The following SNX30 variants were observed in gnomAD, a reference collection of about 807,000 sequenced individuals.
SNX30 encodes the protein sorting nexin family member 30.
A neutral mutation model predicts 46.4 loss-of-function variants in SNX30; 24 were observed. That is an observed-to-expected ratio of 0.52 (90% CI 0.37 to 0.73). The LOEUF is 0.73. SNX30 is among the 30% of genes least tolerant of loss of function. SNX30 has a pLI of 0.00. For missense variants in SNX30, 533 were observed against 555.7 expected (o/e 0.96, Z 0.41); for synonymous variants, 189 against 211.5 (o/e 0.89, Z 0.92).
chr9:112,846,066 T>TA (rs1016634590), intron 6 of SNX30, among the ~76,000 whole-genome samples: 2 of 151,714 alleles, frequency 1.3e-5, no homozygotes, highest in African/African-American at 4.8e-5. Context: ...ATAATAGGAA[T>TA]AAAAAAATTA....
At chr9:112,757,756 T>C (rs1446348613) in intron 1 of SNX30, among the ~76,000 whole-genome samples, 1 of 152,224 alleles carries the variant, frequency 6.6e-6, no homozygotes, top group Non-Finnish European at 1.5e-5. Flanking sequence ...CTACCTCCTT[T>C]AGATTCTGTG....
chr9:112,873,397 G>A lies in SNX30; in HGVS notation c.*4554G>A, dbSNP rs558276200. On this transcript the variant is annotated 3_prime_UTR_variant, in exon 9 of 9. Coordinates refer to ENST00000374232, the MANE Select transcript of SNX30 (RefSeq NM_001012994.2). ...AGAATTTGTCCGTACCTACTAATAT[G>A]CCTTATTCTTCTTCACCTAGTGTTT... The A allele has an allele frequency of 1.3e-5, 2 of 152,256 alleles. No homozygotes were observed. Among genetic ancestry groups the A allele is most frequent in the Admixed American group, 1.3e-4 (2 of 15,288 alleles). The allele number at this position is 152,256 out of a possible 1,614,324, so 9.4% of individuals were successfully genotyped here. A position where few individuals can be genotyped will look rare whatever the true frequency, so the allele number is the denominator to read the frequency against.
intron 1 of SNX30, among the ~76,000 whole-genome samples, chr9:112,770,553 C>T (rs947159323): frequency 3.9e-5 from 6 of 152,136 alleles, no homozygotes; most frequent in African/African-American, 1.4e-4. Flanking sequence ...GCTCCAAGTA[C>T]ATGGGTAATC....
intron 6 of SNX30, among the ~76,000 whole-genome samples, chr9:112,842,557 A>G (rs1840876646): frequency 6.6e-6 from 1 of 152,214 alleles, no homozygotes; most frequent in South Asian, 2.1e-4. Context: ...TCATTTGCTC[A>G]TTGTTGACAC....
At chr9:112,830,959 G>A (rs10739373) in intron 4 of SNX30, 76 bp downstream of exon 4, 1,339,590 of 1,455,006 alleles carry the variant, frequency 0.92, 617,131 homozygotes, top group East Asian at 1. Context: ...GTTTTGAGCA[G>A]GACTCGGTCT....
intron 7 of SNX30, among the ~76,000 whole-genome samples, chr9:112,860,270 C>T (rs759231449): frequency 3.9e-5 from 6 of 152,204 alleles, no homozygotes; most frequent in Non-Finnish European, 7.3e-5. Flanking sequence ...TTTGGAGATA[C>T]GTTTAAGTCC....
chr9:112,784,391 A>G (rs1343634328), intron 1 of SNX30, among the ~76,000 whole-genome samples: 10 of 152,170 alleles, frequency 6.6e-5, no homozygotes, highest in Admixed American at 6.5e-4. Flanking sequence ...GGTGCACCTC[A>G]GATTGTTAAG....
intron 1 of SNX30, among the ~76,000 whole-genome samples, chr9:112,753,465 C>G (rs1282223397): frequency 2.0e-5 from 3 of 152,196 alleles, no homozygotes; most frequent in Admixed American, 1.3e-4. Flanking sequence ...CTCACTGCAA[C>G]CTCCACCTCC....
chr9:112,853,749 A>G (rs1258635530), intron 7 of SNX30, among the ~76,000 whole-genome samples: 1 of 152,236 alleles, frequency 6.6e-6, no homozygotes, highest in African/African-American at 2.4e-5. Context: ...ACAAACTTTC[A>G]GTTACAAGGT....
intron 1 of SNX30, among the ~76,000 whole-genome samples, chr9:112,767,112 A>G (rs1185877661): frequency 8.6e-6 from 1 of 116,584 alleles, no homozygotes; most frequent in Non-Finnish European, 1.7e-5. Context: ...CTTTGCCAAC[A>G]CTAATTATTT....
chr9:112,810,350 C>G (rs1840300898), intron 2 of SNX30, among the ~76,000 whole-genome samples: 1 of 152,160 alleles, frequency 6.6e-6, no homozygotes, highest in Non-Finnish European at 1.5e-5. Context: ...AGTGTGCTCA[C>G]ACACCCAGGT....
At chr9:112,806,913 T>G (rs967657652) in intron 2 of SNX30, among the ~76,000 whole-genome samples, 2 of 152,306 alleles carry the variant, frequency 1.3e-5, no homozygotes, top group African/African-American at 4.8e-5. Context: ...TTGAAGACCT[T>G]TCCATGTTCA....
intron 1 of SNX30, among the ~76,000 whole-genome samples, chr9:112,754,396 C>T (rs752613405): frequency 1.1e-4 from 16 of 147,294 alleles, no homozygotes; most frequent in Non-Finnish European, 2.2e-4. Context: ...GCCTGCTAAA[C>T]TCACTGGGCC....
chr9:112,828,552 T>A (rs1840612369), intron 3 of SNX30, among the ~76,000 whole-genome samples: 1 of 152,196 alleles, frequency 6.6e-6, no homozygotes, highest in Admixed American at 6.5e-5. Flanking sequence ...TACATGGTTT[T>A]AAAACTGAAA....
At chr9:112,883,342 AC>A (rs1935935880), downstream of SNX30, among the ~76,000 whole-genome samples, 1 of 152,156 alleles carries the variant, frequency 6.6e-6, no homozygotes, top group South Asian at 2.1e-4. Context: ...GCACCCAGAT[AC>A]CAGGTGCAAT....
rs1257670957 is a variant in SNX30 at position 112,830,896 on chromosome 9, A to G, written c.618+13A>G. 7 of 1,598,082 alleles carry G rather than the reference A, an allele frequency of 4.4e-6. No homozygotes were observed. The highest frequency in any genetic ancestry group is 1.7e-6 in the Non-Finnish European group (2 of 1,174,348). ...CCTTACTGCTAAGGTAAGGGCAGAA[A>G]TTTACATCCTCTTCGTCCATATTAC... On this transcript the variant is annotated intron_variant, in intron 4 of 8. Transcript: ENST00000374232.
chr9:112,778,491 C>T (rs541321218), intron 1 of SNX30, among the ~76,000 whole-genome samples: 2 of 152,190 alleles, frequency 1.3e-5, no homozygotes, highest in African/African-American at 2.4e-5. Flanking sequence ...AGGCTGGTCG[C>T]GAACTCCTGA....
In SNX30 at chr9:112,850,863, T is replaced by C; in HGVS notation, c.1019T>C (p.Val340Ala). Residue 340 changes from valine to alanine, a missense_variant, in exon 7 of 9, where the codon GTA becomes GCA. Transcript: ENST00000374232. The stretch of plus-strand genomic sequence containing the variant: ...TCTCTCCTCTGCCTCCCACAGAGTG[T>C]ATTGAAGAAGAGGGACCAAGTTCAA... ...YILYSDSMKS[V>A]LKKRDQVQAE... The C allele has an allele frequency of 4.3e-6, 7 of 1,613,188 alleles. No homozygotes were observed. Among genetic ancestry groups the C allele is most frequent in the Non-Finnish European group, 5.9e-6 (7 of 1,179,494 alleles).
chr9:112,865,624 C>CATATATATATATATATATATATATAT (rs796986603), intron 8 of SNX30, among the ~76,000 whole-genome samples: 1 of 79,020 alleles, frequency 1.3e-5, no homozygotes, highest in African/African-American at 5.7e-5. Context: ...CCTGTCACGC[C>CATATATATATATATATATATATATAT]ATATATATAT....
Sources: allele counts gnomAD v4.1 joint callset (sites outside exome capture counted in the v4.1 genomes callset), GRCh38; gene constraint gnomAD v4.1.1; transcripts MANE v1.5; gene names NCBI Gene and HGNC (gene_info 2026-07-23, HGNC 2026-07-21).